Variants in ETV7 observed in about 807,000 individuals in gnomAD.
The protein encoded by ETV7 is transcription factor ETV7.
ETV7 carries 43 observed loss-of-function variants against 39.1 expected under a neutral mutation model. The observed-to-expected ratio is 1.10, with a 90% CI of 0.86 to 1.42. The LOEUF (loss-of-function observed/expected upper bound fraction) is 1.42. Among genes scored for constraint, ETV7 ranks in the 40% most tolerant of loss-of-function variants. The pLI is 0.00. For synonymous variants in ETV7, 196 were observed against 176.6 expected, an observed-to-expected ratio of 1.11 and a Z score of -0.87; for missense variants, 432 against 442.3, an observed-to-expected ratio of 0.98 and a Z score of 0.21.
intron 5 of ETV7, among the ~76,000 whole-genome samples, chr6:36,370,661 T>A (rs1406501416): frequency 6.6e-6 from 1 of 151,578 alleles, no homozygotes; most frequent in East Asian, 1.9e-4. Context: ...AACCTGCACA[T>A]GCACCCCCTG....
At chr6:36,363,019 G>C (rs57078243), downstream of ETV7, among the ~76,000 whole-genome samples, 1,152 of 152,318 alleles carry the variant, frequency 7.6e-3, 11 homozygotes, top group South Asian at 0.034. Context: ...GTGATCTTGC[G>C]CAAGTCACTT....
At chr6:36,368,523 G>C (rs1401112017) in intron 6 of ETV7, among the ~76,000 whole-genome samples, 1 of 152,064 alleles carries the variant, frequency 6.6e-6, no homozygotes, top group Non-Finnish European at 1.5e-5. Flanking sequence ...CTCATCATGG[G>C]AATGCTGGCC....
intron 2 of ETV7, among the ~76,000 whole-genome samples, chr6:36,376,768 T>A (rs1582207739): frequency 1.7e-5 from 2 of 118,892 alleles, no homozygotes; most frequent in East Asian, 4.8e-4. Context: ...AGAGCGAGAC[T>A]CCCTCTAAAG....
chr6:36,373,971 G>A (rs1325184561), intron 3 of ETV7, among the ~76,000 whole-genome samples: 2 of 152,320 alleles, frequency 1.3e-5, no homozygotes, highest in Non-Finnish European at 2.9e-5. Flanking sequence ...GGGATTCCAA[G>A]CTTTATTGAA....
At chr6:36,367,068 A>T (rs1772764083) in intron 6 of ETV7, 93 bp from the exon 7 acceptor site, 1 of 943,604 alleles carries the variant, frequency 1.1e-6, no homozygotes, top group South Asian at 1.4e-5. Context: ...ACAGCTTCTT[A>T]AGCCTCTCAT....
chr6:36,363,522 C>G (rs1262506879), downstream of ETV7, among the ~76,000 whole-genome samples: 1 of 152,234 alleles, frequency 6.6e-6, no homozygotes, highest in African/African-American at 2.4e-5. Flanking sequence ...AGTGAAGCTG[C>G]AGATCTTCGC....
In ETV7 at chr6:36,355,948, T is replaced by C. The variant is rs529637770; in HGVS notation, c.909-1261A>G. Among the ~76,000 whole-genome samples the C allele has an allele frequency of 7.5e-4, 114 of 152,294 alleles. 1 individual carries two copies. Among genetic ancestry groups the C allele is most frequent in the African/African-American group, 2.6e-3 (110 of 41,574 alleles). On this transcript the variant is annotated intron_variant, in intron 7 of 7. Coordinates refer to the ETV7 transcript ENST00000339796. ...AGGAACTCTCCTCCTACGACAGAGA[T>C]AAGTGGTAGGCCTGGCAGTGAACTT... is the stretch of plus-strand genomic sequence containing the variant.
At chr6:36,373,601 G>GGGGTTGGC in intron 3 of ETV7, 23 bp from the exon 4 acceptor site, 2 of 475,648 alleles carry the variant, frequency 4.2e-6, no homozygotes, top group Non-Finnish European at 8.0e-6. Flanking sequence ...GGGAGGGAGG[G>GGGGTTGGC]CAGGCTGCTG....
chr6:36,380,096 T>G (rs917595499), intron 2 of ETV7, among the ~76,000 whole-genome samples: 3 of 152,180 alleles, frequency 2.0e-5, no homozygotes, highest in African/African-American at 7.2e-5. Flanking sequence ...CATGTGCTTT[T>G]TGACACACAT....
exon 8 of ETV7, chr6:36,354,603 CTTTG>C (rs1772290847): frequency 2.9e-6 from 2 of 688,978 alleles, no homozygotes; most frequent in Non-Finnish European, 5.3e-6. Flanking sequence ...GGTCCTCCAA[CTTTG>C]TTTTTCTTTC....
chr6:36,386,704 GGCT>G (rs1348768646), intron 1 of ETV7: 2 of 152,280 alleles, frequency 1.3e-5, no homozygotes, highest in African/African-American at 4.8e-5. Context: ...CAGAAGCCTT[GGCT>G]GCTGCGAAAG....
chr6:36,368,723 G>A (rs1772847336), intron 6 of ETV7, among the ~76,000 whole-genome samples: 1 of 152,174 alleles, frequency 6.6e-6, no homozygotes, highest in Non-Finnish European at 1.5e-5. Context: ...AGACACAATT[G>A]TTCAGTTTCA....
At chr6:36,361,222 G>A (rs1772480124), downstream of ETV7, among the ~76,000 whole-genome samples, 1 of 152,220 alleles carries the variant, frequency 6.6e-6, no homozygotes, top group Admixed American at 6.5e-5. Context: ...TGGTGGCTTA[G>A]TTCCCACCGA....
At chr6:36,354,669 G>C (rs1256867639) in exon 8 of ETV7, 3 of 697,826 alleles carry the variant, frequency 4.3e-6, no homozygotes, top group East Asian at 5.4e-5. Context: ...TGAATATGAA[G>C]ATCAGCTGAA....
At chr6:36,360,888 T>C (rs1264899277) in intron 7 of ETV7, among the ~76,000 whole-genome samples, 1 of 152,160 alleles carries the variant, frequency 6.6e-6, no homozygotes, top group African/African-American at 2.4e-5. Flanking sequence ...CTGGTGCCTC[T>C]CAAGCCGAAT....
At chr6:36,380,321 C>T (rs1337093758) in intron 2 of ETV7, among the ~76,000 whole-genome samples, 1 of 152,178 alleles carries the variant, frequency 6.6e-6, no homozygotes, top group Non-Finnish European at 1.5e-5. Flanking sequence ...TGGCAATAAT[C>T]CATTGCATTT....
intron 2 of ETV7, among the ~76,000 whole-genome samples, chr6:36,383,786 G>A (rs1440031598): frequency 6.6e-6 from 1 of 152,224 alleles, no homozygotes; most frequent in Non-Finnish European, 1.5e-5. Flanking sequence ...GAACTGTATT[G>A]TCTGAATATT....
intron 2 of ETV7, 133 bp downstream of exon 2, chr6:36,385,401 A>G: frequency 9.5e-7 from 1 of 1,056,656 alleles, no homozygotes; most frequent in Non-Finnish European, 1.4e-6. Flanking sequence ...AGGAGCTGGA[A>G]GTTGAAGGTG....
intron 2 of ETV7, among the ~76,000 whole-genome samples, chr6:36,384,524 G>A (rs1773801519): frequency 6.6e-6 from 1 of 152,182 alleles, no homozygotes; most frequent in Non-Finnish European, 1.5e-5. Context: ...ATTTCCCAGG[G>A]CTCAGAGGAG....
Sources: allele counts gnomAD v4.1 joint callset (sites outside exome capture counted in the v4.1 genomes callset), GRCh38; gene constraint gnomAD v4.1.1; transcripts MANE v1.5; gene names NCBI Gene and HGNC (gene_info 2026-07-23, HGNC 2026-07-21).